AP1B1: variants seen among roughly 807,000 people sequenced by gnomAD.
AP1B1 encodes adaptor related protein complex 1 subunit beta 1.
AP1B1 carries 36 observed loss-of-function variants against 104.3 expected under a neutral mutation model. The observed-to-expected ratio is 0.35, with a 90% CI of 0.26 to 0.46. The LOEUF (loss-of-function observed/expected upper bound fraction) is 0.46. AP1B1 is among the 20% of genes least tolerant of loss of function. The pLI is 1.00. For synonymous variants in AP1B1, 504 were observed against 517.5 expected (o/e 0.97, Z 0.35); for missense variants, 901 against 1,247.9 (o/e 0.72, Z 4.19).
chr22:29,374,917 G>A (rs1299568735), intron 1 of AP1B1, among the ~76,000 whole-genome samples: 2 of 152,224 alleles, frequency 1.3e-5, no homozygotes, highest in East Asian at 3.8e-4. Flanking sequence ...CAGCTACTCA[G>A]GAGGCTGAGT....
At chr22:29,330,160 C>A in intron 21 of AP1B1, 1 of 1,435,016 alleles carries the variant, frequency 7.0e-7, no homozygotes, top group Non-Finnish European at 9.1e-7. Flanking sequence ...ATCTTCTAGT[C>A]CAACTCACTG....
chr22:29,360,881 C>T (rs538468760), intron 3 of AP1B1, among the ~76,000 whole-genome samples: 5 of 152,264 alleles, frequency 3.3e-5, no homozygotes, highest in Admixed American at 1.3e-4. Flanking sequence ...TAGGAAAGGA[C>T]GTGTCAACAT....
chr22:29,336,496 G>A (rs886222549), intron 16 of AP1B1, among the ~76,000 whole-genome samples: 1 of 152,162 alleles, frequency 6.6e-6, no homozygotes, highest in African/African-American at 2.4e-5. Flanking sequence ...CAAAGCAGGG[G>A]TAACACTGGT....
chr22:29,380,515 C>A (rs1433647301), intron 1 of AP1B1, among the ~76,000 whole-genome samples: 1 of 152,150 alleles, frequency 6.6e-6, no homozygotes, highest in Non-Finnish European at 1.5e-5. Flanking sequence ...CTCCTGCTTC[C>A]TTCCTTTCCC....
At chr22:29,351,367 G>C in intron 8 of AP1B1, 101 bp from the exon 9 acceptor site, 1 of 1,317,626 alleles carries the variant, frequency 7.6e-7, no homozygotes. Context: ...AGGAGAATGG[G>C]ATTCTGCCTC....
rs1210359734 is a variant in AP1B1 at position 29,330,509 on chromosome 22, T to C, written c.2635A>G (p.Ser879Gly). 2 of 1,611,112 alleles carry C rather than the reference T, an allele frequency of 1.2e-6. No individual in the cohort carries two copies. Among genetic ancestry groups the C allele is most frequent in the Admixed American group, 3.3e-5 (2 of 59,984 alleles). ...NAEAASSKLQ[S>G]SNIFTVAKRN... Reference sequence around the variant, plus strand: ...TTGGCGACAGTGAAGATGTTGCTGCTCTGCAGCTTGCTGCTCGCAGCCTCT... The same window carrying C: ...TTGGCGACAGTGAAGATGTTGCTGCCCTGCAGCTTGCTGCTCGCAGCCTCT... Residue 879 changes from serine to glycine, a missense_variant, in exon 21 of 23, where the codon AGC (serine) becomes GGC (glycine). By Grantham distance (56) the Ser-to-Gly change is moderately conservative. Around this residue, in one of 3 missense-constraint regions of AP1B1, gnomAD observed 424 missense variants for 494.0 expected, o/e 0.86. Coordinates refer to ENST00000357586, the MANE Select transcript of AP1B1 (RefSeq NM_001127.4).
At chr22:29,366,543 A>G in intron 2 of AP1B1, among the ~76,000 whole-genome samples, 1 of 152,130 alleles carries the variant, frequency 6.6e-6, no homozygotes, top group East Asian at 1.9e-4. Flanking sequence ...CAGGAGTATC[A>G]CTTAAACCTG....
At chr22:29,359,720 G>A (rs1461602666) in intron 4 of AP1B1, 104 bp downstream of exon 4, 1 of 1,469,842 alleles carries the variant, frequency 6.8e-7, no homozygotes, top group African/African-American at 1.4e-5. Flanking sequence ...GCAGTCTGAA[G>A]GTCTGGACTC....
chr22:29,341,873 A>G, intron 12 of AP1B1, 113 bp from the exon 13 acceptor site: 1 of 1,260,216 alleles, frequency 7.9e-7, no homozygotes, highest in Non-Finnish European at 1.1e-6. Context: ...TGGGGACAGC[A>G]GTCCTGAGTG....
At chr22:29,356,283 T>G in intron 6 of AP1B1, 143 bp downstream of exon 6, 1 of 856,314 alleles carries the variant, frequency 1.2e-6, no homozygotes, top group South Asian at 1.9e-5. Context: ...CAGGCAGGCC[T>G]CCCTTTAGGT....
chr22:29,328,811 G>C lies in AP1B1; in HGVS notation c.*10C>G. 6.2e-7 allele frequency: 1 copy of C among 1,602,056 alleles called. No homozygotes were observed. Among genetic ancestry groups the C allele is most frequent in the Non-Finnish European group, 8.5e-7 (1 of 1,176,740 alleles). On this transcript the variant is annotated 3_prime_UTR_variant, in exon 23 of 23. Transcript: ENST00000357586. The surrounding 1 kb of genome is among the most constrained non-coding windows in gnomAD (Gnocchi z 4.1). ...CGGGCAGAAGGCTGGGGTGGGCGCT[G>C]GCCGGGGTCTCAGTTCTTGAGGATG...
At chr22:29,385,748 G>A (rs1408581437) in intron 1 of AP1B1, among the ~76,000 whole-genome samples, 1 of 152,214 alleles carries the variant, frequency 6.6e-6, no homozygotes, top group East Asian at 1.9e-4. Flanking sequence ...AAAAAGAAAT[G>A]TCTGCAAGGC....
intron 3 of AP1B1, among the ~76,000 whole-genome samples, chr22:29,360,700 A>G (rs1483483255): frequency 1.3e-5 from 2 of 152,230 alleles, no homozygotes; most frequent in Non-Finnish European, 2.9e-5. Flanking sequence ...ACCTGCCTGG[A>G]GGAATCAGGT....
intron 19 of AP1B1, 39 bp downstream of exon 19, chr22:29,331,410 C>A: frequency 6.2e-7 from 1 of 1,603,102 alleles, no homozygotes; most frequent in Non-Finnish European, 8.5e-7. Flanking sequence ...AAGCCACAGC[C>A]CCATTTCAGG....
intron 16 of AP1B1, among the ~76,000 whole-genome samples, chr22:29,336,517 C>T (rs572637466): frequency 6.6e-6 from 1 of 152,296 alleles, no homozygotes; most frequent in African/African-American, 2.4e-5. Context: ...AAGACAAACA[C>T]ATGGCTGGGC....
chr22:29,382,958 T>A (rs1689060228), intron 1 of AP1B1, among the ~76,000 whole-genome samples: 1 of 152,214 alleles, frequency 6.6e-6, no homozygotes, highest in African/African-American at 2.4e-5. Flanking sequence ...AAGTTCTGGC[T>A]GCTATGCCTT....
intron 17 of AP1B1, among the ~76,000 whole-genome samples, chr22:29,333,829 C>T (rs557553346): frequency 2.6e-5 from 4 of 152,194 alleles, no homozygotes; most frequent in African/African-American, 4.8e-5. Context: ...TTTGGGAGGC[C>T]GAGGTGGGCG....
In AP1B1 at chr22:29,331,433, C is replaced by T; in HGVS notation, c.2524+16G>A. On this transcript the variant is annotated intron_variant, in intron 19 of 22. Transcript: ENST00000357586. ...GCCCCATTTCAGGCACCCCAGCGGG[C>T]TCCCTCATGACTCACCCATCTTCCC... 6.2e-7 allele frequency: 1 copy of T among 1,613,188 alleles called. No individual in the cohort carries two copies.
intron 11 of AP1B1, among the ~76,000 whole-genome samples, chr22:29,348,514 A>G (rs1237214775): frequency 6.6e-6 from 1 of 152,258 alleles, no homozygotes; most frequent in East Asian, 1.9e-4. Flanking sequence ...CATGGCCATG[A>G]GTTCAATGTC....
Sources: gnomAD v4.1 joint callset for allele counts (sites outside exome capture counted in the v4.1 genomes callset) on GRCh38, gnomAD v4.1.1 for gene constraint, gnomAD v4.1.1 regional missense constraint, Gnocchi (gnomAD v3.1) non-coding constraint, MANE v1.5 for transcripts, NCBI Gene and HGNC (gene_info 2026-07-23, HGNC 2026-07-21) for gene names.